TLN2: variants seen among roughly 807,000 people sequenced by gnomAD.
The protein encoded by TLN2 is talin-2.
Under a neutral mutation model 294.7 loss-of-function variants are expected in TLN2, and 118 were observed. That is an observed-to-expected ratio of 0.40 (90% CI 0.34 to 0.47). The LOEUF (loss-of-function observed/expected upper bound fraction) is 0.47, where lower values mean the gene tolerates loss of function less well. Among genes scored for constraint, TLN2 ranks in the 20% least tolerant of loss-of-function variants. The probability of loss-of-function intolerance (pLI) is 0.84; values close to 1 mark genes in which losing one functional copy is unlikely to be tolerated. For synonymous variants in TLN2, 1,431 were observed against 1,304.5 expected, an observed-to-expected ratio of 1.10 and a Z score of -2.09; for missense variants, 3,083 against 3,282.2, an observed-to-expected ratio of 0.94 and a Z score of 1.48.
intron 35 of TLN2, 146 bp from the exon 36 acceptor site, chr15:62,753,627 T>A: frequency 1.1e-6 from 1 of 905,260 alleles, no homozygotes; most frequent in East Asian, 2.8e-5. Context: ...ACACCCTTAT[T>A]GGTGAGCGGG....
At chr15:62,430,120 T>G (rs2034936905) in intron 1 of TLN2, among the ~76,000 whole-genome samples, 1 of 152,204 alleles carries the variant, frequency 6.6e-6, no homozygotes. Flanking sequence ...AAAAATTAGG[T>G]CTTTGTGGCT....
At chr15:62,618,608 T>A (rs546374206) in intron 3 of TLN2, among the ~76,000 whole-genome samples, 133 bp downstream of exon 3, 2 of 152,274 alleles carry the variant, frequency 1.3e-5, no homozygotes, top group African/African-American at 4.8e-5. Context: ...TCTCTGTCCA[T>A]CCCCTGGAGG....
At position 62,840,568 on chromosome 15, in the gene TLN2, G is replaced by A. The variant is rs772678172; in HGVS notation, c.7587G>A (p.Gln2529=). The A allele has an allele frequency of 3.1e-6, 5 of 1,614,052 alleles. No homozygotes were observed. In the African/African-American group the frequency reaches 5.3e-5, roughly 17 times the overall value. The part of the protein sequence containing the change: ...RKKLAQIRQQ[Q]YKFLPTELRE... ...AACTGGCCCAAATCCGCCAGCAGCA[G>A]TATAAGTTTTTACCCACCGAGCTGA... The change falls in exon 59 of 59, where the codon CAG becomes CAA. Residue 2529 remains glutamine, a synonymous_variant. Coordinates refer to ENST00000636159, the MANE Select transcript of TLN2 (RefSeq NM_015059.3).
intron 1 of TLN2, among the ~76,000 whole-genome samples, chr15:62,411,347 T>G (rs939643380): frequency 2.6e-5 from 4 of 151,932 alleles, no homozygotes; most frequent in African/African-American, 9.7e-5. Context: ...ATTTAGTAGA[T>G]GATGGATGTA....
intron 1 of TLN2, among the ~76,000 whole-genome samples, chr15:62,586,277 T>C (rs1468803447): frequency 6.6e-6 from 1 of 152,260 alleles, no homozygotes; most frequent in Non-Finnish European, 1.5e-5. Flanking sequence ...AGATGCTTAA[T>C]CTAAGTTAAG....
chr15:62,774,837 A>G (rs548582349), intron 42 of TLN2, among the ~76,000 whole-genome samples: 1 of 152,238 alleles, frequency 6.6e-6, no homozygotes, highest in East Asian at 1.9e-4. Flanking sequence ...GCTGCACCCA[A>G]AGTTTGCTTC....
intron 1 of TLN2, among the ~76,000 whole-genome samples, chr15:62,397,813 A>G (rs1002100905): frequency 1.3e-5 from 2 of 152,286 alleles, no homozygotes; most frequent in Non-Finnish European, 2.9e-5. Context: ...AAGTTTCCAG[A>G]AGAGTCTTAT....
intron 1 of TLN2, among the ~76,000 whole-genome samples, chr15:62,558,535 C>T (rs1023424727): frequency 6.6e-6 from 1 of 151,954 alleles, no homozygotes; most frequent in African/African-American, 2.4e-5. Context: ...TGGAACAGAC[C>T]CCCTGTAACA....
At chr15:62,609,271 AC>A (rs1169289447) in intron 2 of TLN2, among the ~76,000 whole-genome samples, 1 of 152,228 alleles carries the variant, frequency 6.6e-6, no homozygotes, top group Non-Finnish European at 1.5e-5. Flanking sequence ...ATGCACAATC[AC>A]CCACCATTTC....
intron 1 of TLN2, among the ~76,000 whole-genome samples, chr15:62,415,936 AT>A (rs2034055272): frequency 6.6e-6 from 1 of 152,224 alleles, no homozygotes; most frequent in Non-Finnish European, 1.5e-5. Context: ...CTTAAAACTA[AT>A]TTAAAGGGAG....
intron 22 of TLN2, among the ~76,000 whole-genome samples, chr15:62,712,641 C>T (rs1448577080): frequency 2.0e-5 from 3 of 152,208 alleles, no homozygotes; most frequent in Non-Finnish European, 4.4e-5. Context: ...GTCTGATACA[C>T]AGCCCCCTGT....
rs531630107 is a variant in TLN2 at position 62,694,875 on chromosome 15, G to A, written c.1292+483G>A. Among the ~76,000 whole-genome samples the A allele has an allele frequency of 2.0e-3, 310 of 152,268 alleles. 6 individuals are homozygous for A. In the South Asian group the frequency reaches 0.047, roughly 23 times the overall value. ...GTGCAGGCGAGTGGTTAAGAATATG[G>A]ACTCAAATCTGGGGTCTCTGTTTCA... On this transcript the variant is annotated intron_variant, in intron 14 of 58. Transcript: ENST00000636159.
chr15:62,810,073 C>G (rs1201315215), intron 52 of TLN2, 41 bp downstream of exon 52: 1 of 1,516,020 alleles, frequency 6.6e-7, no homozygotes, highest in Non-Finnish European at 9.2e-7. Flanking sequence ...GTAGCTGTGT[C>G]CCTCTAGCTG....
intron 1 of TLN2, among the ~76,000 whole-genome samples, chr15:62,534,831 A>C (rs2041245691): frequency 6.6e-6 from 1 of 152,092 alleles, no homozygotes; most frequent in African/African-American, 2.4e-5. Context: ...ATCTGTCAGG[A>C]AACTAGGAAC....
intron 1 of TLN2, among the ~76,000 whole-genome samples, chr15:62,560,877 G>T (rs1044279010): frequency 6.6e-6 from 1 of 152,214 alleles, no homozygotes; most frequent in Non-Finnish European, 1.5e-5. Context: ...AACTGCAACC[G>T]AGGCAGCTGG....
intron 28 of TLN2, among the ~76,000 whole-genome samples, chr15:62,736,313 C>CT (rs2061008026): frequency 7.0e-6 from 1 of 143,192 alleles, no homozygotes; most frequent in Non-Finnish European, 1.5e-5. Context: ...GAGACTCTGT[C>CT]TCAAAAAAAA....
At chr15:62,568,044 C>T (rs2044063) in intron 1 of TLN2, among the ~76,000 whole-genome samples, 75,151 of 151,966 alleles carry the variant, frequency 0.49, 20,083 homozygotes, top group Middle Eastern at 0.64. Flanking sequence ...TCTCTGAGCC[C>T]ACGACCACAG....
At chr15:62,752,826 A>T (rs973896466) in intron 35 of TLN2, among the ~76,000 whole-genome samples, 3 of 152,232 alleles carry the variant, frequency 2.0e-5, no homozygotes, top group Non-Finnish European at 4.4e-5. Flanking sequence ...AAAAAATAAG[A>T]TGCCATCATG....
chr15:62,407,293 A>C (rs1158368406), intron 1 of TLN2, among the ~76,000 whole-genome samples: 1 of 152,182 alleles, frequency 6.6e-6, no homozygotes, highest in Admixed American at 6.5e-5. Flanking sequence ...ATAGTAGATA[A>C]GTTTGACTGA....
Sources: allele counts gnomAD v4.1 joint callset (sites outside exome capture counted in the v4.1 genomes callset), GRCh38; gene constraint gnomAD v4.1.1; transcripts MANE v1.5; gene names NCBI Gene and HGNC (gene_info 2026-07-23, HGNC 2026-07-21).